The following RBFOX1 variants were observed in gnomAD, a reference collection of about 807,000 sequenced individuals.
The protein encoded by RBFOX1 is RNA binding fox-1 homolog 1, also known as RNA binding protein fox-1 homolog 1.
RBFOX1 carries 8 observed loss-of-function variants against 57.7 expected under a neutral mutation model. The ratio of observed to expected loss-of-function variants is 0.14; its 90% CI spans 0.08 to 0.25. The LOEUF is 0.25. Ranked by LOEUF, RBFOX1 falls within the 10% of genes least tolerant of loss-of-function variation. The pLI, the probability that RBFOX1 is intolerant of heterozygous loss-of-function variation, is 1.00. For missense variants in RBFOX1, 611 were observed against 548.5 expected, an observed-to-expected ratio of 1.11 and a Z score of -1.14; for synonymous variants, 326 against 222.4, an observed-to-expected ratio of 1.47 and a Z score of -4.15.
intron 1 of RBFOX1, among the ~76,000 whole-genome samples, chr16:5,326,286 C>A (rs1040817469): frequency 1.3e-5 from 2 of 152,128 alleles, no homozygotes; most frequent in East Asian, 3.9e-4. Flanking sequence ...TAACAGCTTT[C>A]GGATGTATGT....
chr16:5,378,401 C>G (rs928850300), intron 1 of RBFOX1, among the ~76,000 whole-genome samples: 5 of 151,636 alleles, frequency 3.3e-5, no homozygotes, highest in African/African-American at 1.2e-4. Context: ...CCAGCCCGCC[C>G]AGGATCGGGG....
chr16:6,450,547 C>G (rs1196431433), intron 2 of RBFOX1, among the ~76,000 whole-genome samples: 6 of 150,846 alleles, frequency 4.0e-5, no homozygotes, highest in Non-Finnish European at 7.4e-5. Context: ...ACATGGAGTG[C>G]TTTGAGGTTT....
intron 3 of RBFOX1, among the ~76,000 whole-genome samples, chr16:5,786,163 C>A (rs953421114): frequency 6.6e-6 from 1 of 152,194 alleles, no homozygotes; most frequent in African/African-American, 2.4e-5. Flanking sequence ...CCAGAAGACA[C>A]CTGCCTCCAC....
chr16:6,091,277 T>G (rs1318000750), intron 1 of RBFOX1, among the ~76,000 whole-genome samples: 2 of 152,174 alleles, frequency 1.3e-5, no homozygotes, highest in African/African-American at 2.4e-5. Flanking sequence ...TACCCACTTA[T>G]GAACTCCTTT....
intron 4 of RBFOX1, among the ~76,000 whole-genome samples, chr16:5,899,457 A>G (rs2058253456): frequency 6.6e-6 from 1 of 152,158 alleles, no homozygotes; most frequent in African/African-American, 2.4e-5. Context: ...AAATTAATGA[A>G]GATTACCAAA....
intron 4 of RBFOX1, among the ~76,000 whole-genome samples, chr16:5,953,267 C>T (rs886169586): frequency 6.6e-6 from 1 of 152,154 alleles, no homozygotes; most frequent in East Asian, 1.9e-4. Context: ...CCCAATGAAA[C>T]TGGAAATGTG....
chr16:5,523,108 C>A (rs1327097295), intron 2 of RBFOX1, among the ~76,000 whole-genome samples: 1 of 152,038 alleles, frequency 6.6e-6, no homozygotes, highest in African/African-American at 2.4e-5. Context: ...CAATATGGTG[C>A]AATCCCATGT....
At chr16:6,245,526 C>T (rs886562775) in intron 1 of RBFOX1, among the ~76,000 whole-genome samples, 6 of 152,268 alleles carry the variant, frequency 3.9e-5, no homozygotes, top group East Asian at 3.9e-4. Flanking sequence ...AGGGATACCA[C>T]GGTCTGCAGT....
intron 3 of RBFOX1, among the ~76,000 whole-genome samples, chr16:5,637,805 A>G (rs1387510946): frequency 6.6e-6 from 1 of 152,022 alleles, no homozygotes; most frequent in Admixed American, 6.5e-5. Flanking sequence ...TAGTGTGGTG[A>G]GGAGGGAGGG....
intron 1 of RBFOX1, among the ~76,000 whole-genome samples, chr16:5,240,742 G>A (rs1414487452): frequency 3.9e-5 from 6 of 152,204 alleles, no homozygotes; most frequent in Non-Finnish European, 2.9e-5. Flanking sequence ...GTCCCTGTGA[G>A]CTCCCGGTGT....
intron 3 of RBFOX1, among the ~76,000 whole-genome samples, chr16:5,695,991 A>T (rs1168972180): frequency 6.6e-6 from 1 of 152,234 alleles, no homozygotes; most frequent in Non-Finnish European, 1.5e-5. Context: ...TTACAGTTAT[A>T]GGGAATATGA....
intron 11 of RBFOX1, among the ~76,000 whole-genome samples, chr16:7,649,414 T>C (rs547655697): frequency 6.6e-6 from 1 of 152,228 alleles, no homozygotes; most frequent in African/African-American, 2.4e-5. Context: ...TCAATCTGTT[T>C]CCTTAACCAC....
chr16:7,201,762 C>G (rs111741736), intron 4 of RBFOX1, among the ~76,000 whole-genome samples: 11 of 152,094 alleles, frequency 7.2e-5, no homozygotes, highest in Non-Finnish European at 1.6e-4. Flanking sequence ...CATGCCCGGC[C>G]GATCTGATTC....
chr16:6,698,511 C>T (rs150420349), intron 3 of RBFOX1, among the ~76,000 whole-genome samples: 32 of 152,256 alleles, frequency 2.1e-4, no homozygotes, highest in Non-Finnish European at 7.3e-5. Context: ...TCCCCATGAG[C>T]GCTTAACTCT....
At chr16:6,501,153 ATTTCAC>A (rs2095908300) in intron 2 of RBFOX1, among the ~76,000 whole-genome samples, 1 of 61,852 alleles carries the variant, frequency 1.6e-5, no homozygotes, top group African/African-American at 6.5e-5. Context: ...TTTTTTTTTT[ATTTCAC>A]TTGAAGTTTT....
At chr16:6,545,385 T>C (rs2096880664) in intron 2 of RBFOX1, among the ~76,000 whole-genome samples, 1 of 152,174 alleles carries the variant, frequency 6.6e-6, no homozygotes, top group Non-Finnish European at 1.5e-5. Flanking sequence ...TGCCTTTCTC[T>C]CCAACCCCTC....
intron 3 of RBFOX1, among the ~76,000 whole-genome samples, chr16:6,900,458 A>T (rs535946362): frequency 2.2e-4 from 34 of 152,236 alleles, no homozygotes; most frequent in African/African-American, 8.2e-4. Flanking sequence ...CTGTTTATTG[A>T]TTTCCCGTTG....
intron 3 of RBFOX1, among the ~76,000 whole-genome samples, chr16:6,814,973 C>A (rs764491444): frequency 6.6e-6 from 1 of 152,154 alleles, no homozygotes; most frequent in African/African-American, 2.4e-5. Context: ...ACAGGCAGAG[C>A]AGTGGTATGG....
chr16:5,313,545 A>G (rs913481616), intron 1 of RBFOX1, among the ~76,000 whole-genome samples: 1 of 152,094 alleles, frequency 6.6e-6, no homozygotes, highest in Non-Finnish European at 1.5e-5. Context: ...GACTTACCCG[A>G]GACTGGGAAG....
Sources: gnomAD v4.1 joint callset for allele counts (sites outside exome capture counted in the v4.1 genomes callset) on GRCh38, gnomAD v4.1.1 for gene constraint, MANE v1.5 for transcripts, NCBI Gene and HGNC (gene_info 2026-07-23, HGNC 2026-07-21) for gene names.